Variants in TSHZ2 observed in about 807,000 individuals in gnomAD.
The protein encoded by TSHZ2 is teashirt homolog 2.
Under a neutral mutation model 74.4 loss-of-function variants are expected in TSHZ2, and 21 were observed. The ratio of observed to expected loss-of-function variants is 0.28; its 90% CI spans 0.20 to 0.41. The LOEUF (loss-of-function observed/expected upper bound fraction) is 0.41. Ranked by LOEUF, TSHZ2 falls within the 10% of genes least tolerant of loss-of-function variation. The pLI, the probability that TSHZ2 is intolerant of heterozygous loss-of-function variation, is 1.00. For missense variants in TSHZ2, 1,244 were observed against 1,293.5 expected (o/e 0.96, Z 0.59); for synonymous variants, 540 against 515.3 (o/e 1.05, Z -0.65).
chr20:53,397,172 A>G (rs973378728), intron 2 of TSHZ2, among the ~76,000 whole-genome samples: 86 of 152,224 alleles, frequency 5.6e-4, no homozygotes, highest in Non-Finnish European at 6.6e-4. Flanking sequence ...AGAAACTATC[A>G]TCAGAGTGAA....
chr20:53,265,406 C>T (rs1301836204), intron 2 of TSHZ2, among the ~76,000 whole-genome samples: 1 of 152,024 alleles, frequency 6.6e-6, no homozygotes, highest in African/African-American at 2.4e-5. Flanking sequence ...GGCGGGGGTG[C>T]AGCAAGTCAT....
chr20:53,423,033 C>T (rs1451963331), intron 2 of TSHZ2, among the ~76,000 whole-genome samples: 2 of 151,770 alleles, frequency 1.3e-5, no homozygotes, highest in Admixed American at 1.3e-4. Context: ...AGTAATTTGC[C>T]CAAAAAATCA....
chr20:53,274,779 CTCTT>C (rs1304585148), intron 2 of TSHZ2, among the ~76,000 whole-genome samples: 1 of 152,194 alleles, frequency 6.6e-6, no homozygotes, highest in Admixed American at 6.5e-5. Context: ...CTCGCTAGCG[CTCTT>C]TCTCTTTCTT....
At chr20:53,226,298 A>G (rs960133667) in intron 1 of TSHZ2, among the ~76,000 whole-genome samples, 1 of 152,164 alleles carries the variant, frequency 6.6e-6, no homozygotes, top group Non-Finnish European at 1.5e-5. Flanking sequence ...ATCTGTAAAA[A>G]AGACACAACA....
At chr20:53,274,092 A>G (rs1384486248) in intron 2 of TSHZ2, among the ~76,000 whole-genome samples, 1 of 152,166 alleles carries the variant, frequency 6.6e-6, no homozygotes, top group Non-Finnish European at 1.5e-5. Context: ...CATCCTGGTG[A>G]GACCTCATAT....
intron 2 of TSHZ2, among the ~76,000 whole-genome samples, chr20:53,282,942 C>T (rs544331505): frequency 3.9e-5 from 6 of 152,282 alleles, no homozygotes; most frequent in African/African-American, 1.4e-4. Flanking sequence ...ACAAATCTTT[C>T]CCAAGACGGA....
chr20:53,012,457 GA>G (rs1378975152), intron 1 of TSHZ2, among the ~76,000 whole-genome samples: 1 of 152,098 alleles, frequency 6.6e-6, no homozygotes, highest in African/African-American at 2.4e-5. Context: ...AATGAATCAG[GA>G]TTTTCATTTA....
intron 1 of TSHZ2, among the ~76,000 whole-genome samples, chr20:53,054,210 G>T (rs1414428807): frequency 6.6e-6 from 1 of 152,116 alleles, no homozygotes; most frequent in Non-Finnish European, 1.5e-5. Flanking sequence ...ATGCAGCCAC[G>T]GTCCAACTTT....
At chr20:53,398,018 A>G (rs1217524882) in intron 2 of TSHZ2, 2 of 152,218 alleles carry the variant, frequency 1.3e-5, no homozygotes, top group Admixed American at 6.5e-5. Context: ...ATTAGGAGAT[A>G]TACCTTATGA....
At chr20:53,196,422 C>A (rs922490552) in intron 1 of TSHZ2, 1 of 148,292 alleles carries the variant, frequency 6.7e-6, no homozygotes, top group Non-Finnish European at 1.5e-5. Context: ...AATACGCCAC[C>A]TAGTGAAGTT....
intron 1 of TSHZ2, among the ~76,000 whole-genome samples, chr20:53,227,896 T>C (rs1264161374): frequency 6.6e-6 from 1 of 152,104 alleles, no homozygotes; most frequent in Non-Finnish European, 1.5e-5. Context: ...TTTCTCTCCT[T>C]TTTCTTATTT....
chr20:52,982,653 T>G (rs1981611612), intron 1 of TSHZ2, among the ~76,000 whole-genome samples: 1 of 152,224 alleles, frequency 6.6e-6, no homozygotes, highest in Admixed American at 6.5e-5. Context: ...AATATTCTTG[T>G]GGGCTAGCCT....
intron 1 of TSHZ2, among the ~76,000 whole-genome samples, chr20:53,110,894 T>G (rs1424418200): frequency 6.6e-6 from 1 of 151,600 alleles, no homozygotes. Context: ...TTGGGCATAC[T>G]GAGTCAGATG....
At chr20:53,036,202 T>C (rs1045654289) in intron 1 of TSHZ2, among the ~76,000 whole-genome samples, 3 of 152,204 alleles carry the variant, frequency 2.0e-5, no homozygotes, top group Non-Finnish European at 2.9e-5. Flanking sequence ...CACGTGAGGC[T>C]TGGGAGTTAT....
intron 2 of TSHZ2, among the ~76,000 whole-genome samples, chr20:53,386,321 TCTA>T (rs1479358247): frequency 1.3e-5 from 2 of 152,224 alleles, no homozygotes; most frequent in Admixed American, 1.3e-4. Flanking sequence ...TTCCACTTCT[TCTA>T]CTCAGCGGAA....
intron 1 of TSHZ2, among the ~76,000 whole-genome samples, chr20:53,086,046 T>C (rs1985690131): frequency 6.6e-6 from 1 of 152,208 alleles, no homozygotes; most frequent in Non-Finnish European, 1.5e-5. Flanking sequence ...TCTCTTTGCA[T>C]GGAGGCCGTG....
intron 1 of TSHZ2, among the ~76,000 whole-genome samples, chr20:53,008,374 C>T (rs903146360): frequency 6.6e-6 from 1 of 152,082 alleles, no homozygotes; most frequent in Non-Finnish European, 1.5e-5. Flanking sequence ...ATGAATTGCT[C>T]ACTTGTCCTG....
At chr20:53,380,922 G>GA (rs1196880590) in intron 2 of TSHZ2, among the ~76,000 whole-genome samples, 2 of 152,098 alleles carry the variant, frequency 1.3e-5, no homozygotes, top group Non-Finnish European at 2.9e-5. Context: ...CCACGTATAA[G>GA]AAAATAGATA....
chr20:53,110,302 G>A (rs544604831), intron 1 of TSHZ2, among the ~76,000 whole-genome samples: 3 of 151,690 alleles, frequency 2.0e-5, no homozygotes, highest in South Asian at 2.1e-4. Context: ...TCAGCCCACC[G>A]TGACCCTCAT....
Sources: gnomAD v4.1 joint callset for allele counts (sites outside exome capture counted in the v4.1 genomes callset) on GRCh38, gnomAD v4.1.1 for gene constraint, MANE v1.5 for transcripts, NCBI Gene and HGNC (gene_info 2026-07-23, HGNC 2026-07-21) for gene names.